Variants in FDFT1 observed in about 807,000 individuals in gnomAD.
The protein encoded by FDFT1 is squalene synthase.
In FDFT1, 68 loss-of-function variants were observed where a neutral mutation model predicts 46.8. That is an observed-to-expected ratio of 1.45 (90% CI 1.19 to 1.78). FDFT1 has a LOEUF of 1.78. Ranked by LOEUF, FDFT1 falls within the 40% of genes most tolerant of loss-of-function variation. FDFT1 has a pLI of 0.00. For synonymous variants in FDFT1, 351 were observed against 185.1 expected, an observed-to-expected ratio of 1.90 and a Z score of -7.28; for missense variants, 928 against 524.4, an observed-to-expected ratio of 1.77 and a Z score of -7.52.
chr8:11,833,815 T>A (rs1267720261), intron 7 of FDFT1, among the ~76,000 whole-genome samples: 1 of 152,244 alleles, frequency 6.6e-6, no homozygotes, highest in Non-Finnish European at 1.5e-5. Context: ...GACTTCTGAC[T>A]TAGGGTATCA....
intron 5 of FDFT1, among the ~76,000 whole-genome samples, chr8:11,828,897 C>T (rs921020864): frequency 3.9e-5 from 6 of 152,198 alleles, no homozygotes; most frequent in African/African-American, 1.4e-4. Context: ...CACATTTATC[C>T]ATTCATCAGT....
intron 7 of FDFT1, 147 bp downstream of exon 7, chr8:11,831,817 G>GA (rs1810845471): frequency 2.8e-6 from 2 of 708,634 alleles, no homozygotes; most frequent in East Asian, 2.6e-5. Flanking sequence ...CCTTTATAAG[G>GA]AAAAAAGTCT....
At chr8:11,803,146 C>T (rs181523465) in intron 1 of FDFT1, 2 of 1,426,774 alleles carry the variant, frequency 1.4e-6, no homozygotes, top group East Asian at 2.6e-5. Flanking sequence ...GCAAGCCGCC[C>T]TGGGCATGAG....
At chr8:11,801,986 G>C (rs929612329), upstream of FDFT1, 2 of 455,882 alleles carry the variant, frequency 4.4e-6, no homozygotes, top group African/African-American at 2.0e-5. Context: ...ACCACGCCTG[G>C]ACGGGTAGCC....
rs1362964216 is a variant in FDFT1 at position 11,802,880 on chromosome 8, G to C, written c.48G>C (p.Leu16=). ...GCCACCCCGAAGAGTTCTACAACCT[G>C]GTGCGCTTCCGGATCGGGGGCAAGC... The part of the protein sequence containing the change: ...CLGHPEEFYN[L]VRFRIGGKRK... Residue 16 remains leucine, a synonymous_variant, in exon 1 of 8, where the codon CTG becomes CTC. Coordinates refer to ENST00000220584, the MANE Select transcript of FDFT1 (RefSeq NM_004462.5). 2 of 1,612,386 alleles carry C rather than the reference G, an allele frequency of 1.2e-6. No homozygotes were observed. Among genetic ancestry groups the C allele is most frequent in the Admixed American group, 3.3e-5 (2 of 59,886 alleles).
chr8:11,809,086 G>T (rs1585879786), intron 2 of FDFT1, 195 bp downstream of exon 2: 4 of 1,268,838 alleles, frequency 3.2e-6, no homozygotes, highest in Non-Finnish European at 4.1e-6. Flanking sequence ...GAGTCCCTGC[G>T]GGCCCAGCCT....
chr8:11,827,840 G>C (rs1291876732), intron 5 of FDFT1, among the ~76,000 whole-genome samples: 1 of 151,074 alleles, frequency 6.6e-6, no homozygotes, highest in East Asian at 1.9e-4. Flanking sequence ...AGGATATCGA[G>C]ACCAGCCTGG....
intron 1 of FDFT1, among the ~76,000 whole-genome samples, chr8:11,805,054 C>G (rs114810964): frequency 1.3e-5 from 2 of 150,976 alleles, no homozygotes; most frequent in African/African-American, 2.4e-5. Context: ...AGCTGGGACT[C>G]CAGGCACGTG....
At chr8:11,809,509 T>C in intron 2 of FDFT1, 158 bp from the exon 3 acceptor site, 2 of 1,324,056 alleles carry the variant, frequency 1.5e-6, no homozygotes, top group Admixed American at 3.5e-5. Flanking sequence ...GGAAAACTAA[T>C]GTAACTTTCG....
chr8:11,830,531 G>T (rs1810633716), intron 6 of FDFT1, 111 bp downstream of exon 6: 3 of 771,350 alleles, frequency 3.9e-6, no homozygotes, highest in Admixed American at 5.0e-5. Flanking sequence ...AAAAGACGAT[G>T]ACTCCAGTTT....
Position 11,808,732 on chromosome 8 carries a change from ACT to A in FDFT1, c.100-60_100-59del, listed in dbSNP as rs1807257834. The A allele has an allele frequency of 1.9e-6, 3 of 1,559,986 alleles. No homozygotes were observed. The East Asian group carries it at 7.0e-5, about 36-fold the overall frequency. ...CAGTCCCACTCCCACTCCCACTCCC[ACT>A]CCCACTCCCACTCCTGCTCCTCGAC... On this transcript the variant is annotated intron_variant, in intron 1 of 7. Coordinates refer to ENST00000220584, the MANE Select transcript of FDFT1 (RefSeq NM_004462.5).
chr8:11,814,509 A>G (rs764147726), intron 3 of FDFT1, among the ~76,000 whole-genome samples: 2 of 152,150 alleles, frequency 1.3e-5, no homozygotes, highest in African/African-American at 4.8e-5. Flanking sequence ...TGTTTAACCA[A>G]ATCTCTTCAC....
upstream of FDFT1, among the ~76,000 whole-genome samples, chr8:11,800,394 CAG>C (rs1805999625): frequency 6.6e-6 from 1 of 150,846 alleles, no homozygotes. Flanking sequence ...ACAAAGGAGA[CAG>C]GGTCATTTAT....
chr8:11,837,393 G>A (rs766363429), intron 7 of FDFT1, among the ~76,000 whole-genome samples: 4 of 152,106 alleles, frequency 2.6e-5, no homozygotes, highest in Non-Finnish European at 4.4e-5. Flanking sequence ...CACGATGCCC[G>A]GCTAATTTTT....
chr8:11,806,232 T>C (rs1563296624), intron 1 of FDFT1, among the ~76,000 whole-genome samples: 1 of 152,152 alleles, frequency 6.6e-6, no homozygotes, highest in Non-Finnish European at 1.5e-5. Context: ...TGCGAGCTTT[T>C]GGGAGTGTGC....
chr8:11,814,838 C>G (rs1736131), intron 3 of FDFT1, among the ~76,000 whole-genome samples: 1 of 151,730 alleles, frequency 6.6e-6, no homozygotes, highest in Non-Finnish European at 1.5e-5. Context: ...TCACTAGAAT[C>G]TAAGCTCTTC....
intron 5 of FDFT1, among the ~76,000 whole-genome samples, chr8:11,827,796 A>C (rs1333056622): frequency 1.3e-5 from 2 of 152,052 alleles, no homozygotes; most frequent in African/African-American, 4.8e-5. Context: ...TAATCTCAAC[A>C]CTGGGAGACC....
Position 11,831,529 on chromosome 8 carries a change from T to A in FDFT1, c.891T>A (p.Ile297=). 2 of 1,614,130 alleles carry A rather than the reference T, an allele frequency of 1.2e-6. No individual in the cohort carries two copies. The highest frequency in any genetic ancestry group is 1.7e-6 in the Non-Finnish European group (2 of 1,179,932). The change falls in exon 7 of 8, where the codon ATT becomes ATA. Residue 297 remains isoleucine (I), a synonymous_variant. Coordinates refer to ENST00000220584, the MANE Select transcript of FDFT1 (RefSeq NM_004462.5). ...NFCAIPQVMA[I]ATLAACYNNQ... ...CTTGTTGTCTCTAGGTGATGGCCAT[T>A]GCCACTTTGGCTGCCTGTTATAATA... is the stretch of plus-strand genomic sequence containing the variant.
intron 7 of FDFT1, among the ~76,000 whole-genome samples, chr8:11,835,971 T>TCAA (rs1554530005): frequency 1.5e-5 from 1 of 64,608 alleles, no homozygotes; most frequent in African/African-American, 5.1e-5. Flanking sequence ...CTGTCTCTAC[T>TCAA]AAAAAAAAAA....
Sources: gnomAD v4.1 joint callset for allele counts (sites outside exome capture counted in the v4.1 genomes callset) on GRCh38, gnomAD v4.1.1 for gene constraint, MANE v1.5 for transcripts, NCBI Gene and HGNC (gene_info 2026-07-23, HGNC 2026-07-21) for gene names.